Variants in SH2D4B observed in about 807,000 individuals in gnomAD.
SH2D4B encodes SH2 domain containing 4B, also known as SH2 domain-containing protein 4B.
Under a neutral mutation model 61.5 loss-of-function variants are expected in SH2D4B, and 45 were observed. The ratio of observed to expected loss-of-function variants is 0.73; its 90% CI spans 0.58 to 0.94. The LOEUF is 0.94. Among genes scored for constraint, SH2D4B ranks in the 40% least tolerant of loss-of-function variants. The pLI is 0.00. For missense variants in SH2D4B, 572 were observed against 574.2 expected (o/e 1.00, Z 0.04); for synonymous variants, 224 against 220.4 (o/e 1.02, Z -0.14).
At chr10:80,635,615 A>G (rs1842888868) in intron 7 of SH2D4B, among the ~76,000 whole-genome samples, 1 of 152,194 alleles carries the variant, frequency 6.6e-6, no homozygotes, top group Non-Finnish European at 1.5e-5. Flanking sequence ...TGGACTAACC[A>G]GGATCAAGGT....
At chr10:80,604,878 C>G (rs1017963683) in intron 5 of SH2D4B, among the ~76,000 whole-genome samples, 3 of 151,880 alleles carry the variant, frequency 2.0e-5, no homozygotes, top group Non-Finnish European at 2.9e-5. Flanking sequence ...ACTGCAAGCT[C>G]CGCCTTCCAG....
chr10:80,588,981 G>A (rs890087368), intron 4 of SH2D4B, among the ~76,000 whole-genome samples: 1 of 150,954 alleles, frequency 6.6e-6, no homozygotes, highest in African/African-American at 2.5e-5. Flanking sequence ...GCCTGTTGGG[G>A]ATATTTCTTT....
intron 3 of SH2D4B, among the ~76,000 whole-genome samples, chr10:80,576,025 G>A (rs1207500947): frequency 6.6e-6 from 1 of 152,148 alleles, no homozygotes; most frequent in African/African-American, 2.4e-5. Context: ...CTAATTTCTG[G>A]CCTTCCTCTT....
At chr10:80,561,005 C>T (rs536353033) in intron 1 of SH2D4B, among the ~76,000 whole-genome samples, 1 of 152,218 alleles carries the variant, frequency 6.6e-6, no homozygotes, top group Non-Finnish European at 1.5e-5. Context: ...CAGTAAACTT[C>T]GTACTGTGTG....
intron 1 of SH2D4B, among the ~76,000 whole-genome samples, chr10:80,567,945 TC>T (rs1226736272): frequency 6.6e-6 from 1 of 152,202 alleles, no homozygotes; most frequent in Non-Finnish European, 1.5e-5. Flanking sequence ...CGCTTCCATG[TC>T]CCAGTAACAA....
At chr10:80,578,580 G>T (rs7894923) in intron 3 of SH2D4B, among the ~76,000 whole-genome samples, 100,152 of 151,794 alleles carry the variant, frequency 0.66, 34,028 homozygotes, top group East Asian at 0.84. Flanking sequence ...GAAGGAGAGA[G>T]AAAAAGTTCA....
chr10:80,622,627 A>T (rs1323707603), intron 6 of SH2D4B, among the ~76,000 whole-genome samples: 2 of 151,906 alleles, frequency 1.3e-5, no homozygotes, highest in Admixed American at 6.6e-5. Context: ...GTGGCCCTGG[A>T]GGGTCTCATG....
chr10:80,540,768 TGGATCATAG>T, intron 1 of SH2D4B: 1 of 1,506,178 alleles, frequency 6.6e-7, no homozygotes, highest in South Asian at 1.2e-5. Flanking sequence ...GGTGGGTAGA[TGGATCATAG>T]GGAACACAGC....
intron 1 of SH2D4B, among the ~76,000 whole-genome samples, chr10:80,569,766 A>G (rs891999342): frequency 1.3e-5 from 2 of 152,142 alleles, no homozygotes; most frequent in African/African-American, 4.8e-5. Context: ...AATTCCTCCC[A>G]TTGTTAGCTC....
At chr10:80,640,869 C>T (rs551337614) in intron 7 of SH2D4B, among the ~76,000 whole-genome samples, 29 of 152,310 alleles carry the variant, frequency 1.9e-4, no homozygotes, top group Non-Finnish European at 3.5e-4. Flanking sequence ...GGAGAAGAGG[C>T]GCTCTGGTTT....
At chr10:80,568,971 C>T (rs1448095143) in intron 1 of SH2D4B, among the ~76,000 whole-genome samples, 1 of 152,238 alleles carries the variant, frequency 6.6e-6, no homozygotes, top group Admixed American at 6.5e-5. Flanking sequence ...ACATGGATCT[C>T]TAGCCTGTTA....
At chr10:80,569,087 G>A (rs1207959432) in intron 1 of SH2D4B, among the ~76,000 whole-genome samples, 3 of 152,148 alleles carry the variant, frequency 2.0e-5, no homozygotes, top group Non-Finnish European at 2.9e-5. Flanking sequence ...TGTAATCAGC[G>A]GAATCTGCTG....
intron 3 of SH2D4B, among the ~76,000 whole-genome samples, chr10:80,588,397 C>T (rs1842284283): frequency 6.6e-6 from 1 of 152,062 alleles, no homozygotes; most frequent in Admixed American, 6.6e-5. Context: ...TCAAATAAAA[C>T]AAATATAAGT....
chr10:80,547,995 C>T (rs1841705324), intron 1 of SH2D4B, among the ~76,000 whole-genome samples: 2 of 152,218 alleles, frequency 1.3e-5, no homozygotes, highest in South Asian at 2.1e-4. Flanking sequence ...GGCTGTCCAC[C>T]TGACCCCAGA....
chr10:80,602,082 C>G (rs1272727793), intron 4 of SH2D4B, among the ~76,000 whole-genome samples: 1 of 152,174 alleles, frequency 6.6e-6, no homozygotes, highest in Non-Finnish European at 1.5e-5. Context: ...TTTCCAGGTC[C>G]CAGAACTCCC....
At chr10:80,636,950 T>C (rs1840190186) in intron 7 of SH2D4B, among the ~76,000 whole-genome samples, 1 of 152,250 alleles carries the variant, frequency 6.6e-6, no homozygotes. Context: ...TAATCCATCT[T>C]GAATTAATTT....
chr10:80,585,240 A>G (rs1003436111), intron 3 of SH2D4B, among the ~76,000 whole-genome samples: 3 of 152,332 alleles, frequency 2.0e-5, no homozygotes, highest in Non-Finnish European at 4.4e-5. Context: ...GCTTTCAGGA[A>G]GAGACCAGAC....
chr10:80,608,656 T>C (rs546082529), intron 5 of SH2D4B, among the ~76,000 whole-genome samples: 95 of 151,972 alleles, frequency 6.3e-4, no homozygotes, highest in African/African-American at 2.1e-3. Context: ...ATCTACTCCC[T>C]CGTCTAAACT....
intron 6 of SH2D4B, among the ~76,000 whole-genome samples, chr10:80,620,945 C>T (rs936202801): frequency 1.3e-5 from 2 of 152,216 alleles, no homozygotes; most frequent in African/African-American, 4.8e-5. Flanking sequence ...GAAAAACCCA[C>T]AGAATTCTTG....
Sources: gnomAD v4.1 joint callset for allele counts (sites outside exome capture counted in the v4.1 genomes callset) on GRCh38, gnomAD v4.1.1 for gene constraint, MANE v1.5 for transcripts, NCBI Gene and HGNC (gene_info 2026-07-23, HGNC 2026-07-21) for gene names.